Variants in PIEZO2 observed in about 807,000 individuals in gnomAD.
The protein encoded by PIEZO2 is piezo-type mechanosensitive ion channel component 2.
PIEZO2 carries 172 observed loss-of-function variants against 337.3 expected under a neutral mutation model. That is an observed-to-expected ratio of 0.51 (90% CI 0.45 to 0.58). PIEZO2 has a LOEUF of 0.58. PIEZO2 is among the 20% of genes least tolerant of loss of function. PIEZO2 has a pLI of 0.00. For synonymous variants in PIEZO2, 1,251 were observed against 1,228.5 expected (o/e 1.02, Z -0.38); for missense variants, 3,028 against 3,391.3 (o/e 0.89, Z 2.66).
chr18:10,840,649 G>C (rs1161322991), intron 7 of PIEZO2, among the ~76,000 whole-genome samples: 1 of 151,972 alleles, frequency 6.6e-6, no homozygotes, highest in Non-Finnish European at 1.5e-5. Flanking sequence ...AAAGATTTCA[G>C]TCCACCTCTC....
At position 11,127,259 on chromosome 18, in the gene PIEZO2, G is replaced by A. The variant is rs1417830695; in HGVS notation, c.64+21266C>T. 6.6e-6 allele frequency among the ~76,000 whole-genome samples: 1 copy of A among 152,216 alleles called. No individual in the cohort carries two copies. On this transcript the variant is annotated intron_variant, in intron 1 of 55. Coordinates refer to ENST00000674853, the MANE Select transcript of PIEZO2 (RefSeq NM_001378183.1). This position sits in a 1 kb window ranked among gnomAD's most constrained non-coding sequence, Gnocchi z 4.5. The stretch of plus-strand genomic sequence containing the variant: ...GAGATATAGGAGGAAACGCTCATCA[G>A]AGCACACAGCCACTGCAAAGAACTT...
chr18:10,836,345 A>G (rs746881500), intron 7 of PIEZO2, among the ~76,000 whole-genome samples: 26 of 152,074 alleles, frequency 1.7e-4, no homozygotes, highest in Admixed American at 1.3e-4. Context: ...CAAATCATGA[A>G]TATTTTTGAG....
chr18:11,117,109 C>T (rs546966477), intron 1 of PIEZO2, among the ~76,000 whole-genome samples: 1 of 151,954 alleles, frequency 6.6e-6, no homozygotes, highest in Non-Finnish European at 1.5e-5. Flanking sequence ...CTGTCCCCCC[C>T]ACAAAAAAAT....
At chr18:11,062,528 T>C (rs2038003354) in intron 2 of PIEZO2, among the ~76,000 whole-genome samples, 1 of 151,964 alleles carries the variant, frequency 6.6e-6, no homozygotes, top group Non-Finnish European at 1.5e-5. Context: ...AGGGCTAATA[T>C]CCAGAATCTA....
intron 21 of PIEZO2, among the ~76,000 whole-genome samples, chr18:10,769,373 T>C (rs762348031): frequency 4.6e-5 from 7 of 152,256 alleles, no homozygotes; most frequent in African/African-American, 7.2e-5. Context: ...GTTTAGACTA[T>C]GGAGCTCAAA....
intron 40 of PIEZO2, among the ~76,000 whole-genome samples, chr18:10,706,224 G>A (rs539189822): frequency 6.6e-6 from 1 of 152,204 alleles, no homozygotes; most frequent in South Asian, 2.1e-4. Flanking sequence ...CAGACCATAA[G>A]GGGGGAATGG....
chr18:10,962,811 C>T lies in PIEZO2; in HGVS notation c.286+16724G>A, dbSNP rs1180361059. ...TAAGGCCCTTTCCAGTGATCACATA[C>T]TATGAGCCCATGCTAGCAATGTGAG... On this transcript the variant is annotated intron_variant, in intron 3 of 55. Coordinates refer to ENST00000674853, the MANE Select transcript of PIEZO2 (RefSeq NM_001378183.1). This position sits in a 1 kb window ranked among gnomAD's most constrained non-coding sequence, Gnocchi z 4.1. Among the ~76,000 whole-genome samples, 1 of 152,192 alleles carries T rather than the reference C, an allele frequency of 6.6e-6. No homozygotes were observed. Among genetic ancestry groups the T allele is most frequent in the East Asian group, 1.9e-4 (1 of 5,188 alleles).
intron 4 of PIEZO2, 81 bp from the exon 5 acceptor site, chr18:10,871,496 GTCT>G: frequency 7.7e-7 from 1 of 1,300,910 alleles, no homozygotes; most frequent in Non-Finnish European, 1.0e-6. Flanking sequence ...GGATGTTTTG[GTCT>G]TCTTAATGAT....
intron 1 of PIEZO2, among the ~76,000 whole-genome samples, chr18:11,086,254 C>T (rs1435990397): frequency 6.6e-6 from 1 of 152,152 alleles, no homozygotes; most frequent in African/African-American, 2.4e-5. Context: ...GGCGCAGTGG[C>T]TCATGCCTGT....
Position 10,699,051 on chromosome 18 carries a change from C to G in PIEZO2, c.6568G>C (p.Ala2190Pro), listed in dbSNP as rs2035222017. 6.5e-7 allele frequency: 1 copy of G among 1,537,046 alleles called. No individual in the cohort carries two copies. Among genetic ancestry groups the G allele is most frequent in the South Asian group, 1.2e-5 (1 of 84,068 alleles). The change falls in exon 44 of 56, where the codon GCC becomes CCC. Residue 2190 changes from alanine (A) to proline (P), a missense_variant. By Grantham distance (27) the Ala-to-Pro change is conservative. Transcript: ENST00000674853. ...SSDSLKSINL[A>P]ASVESVHVTF... is the part of the protein sequence containing the mutation. ...ACATGCACTGACTCCACAGACGCGGCCAGGTTGATGGACTTGAGAGAATCG... is the reference window on the plus strand; with the variant it reads ...ACATGCACTGACTCCACAGACGCGGGCAGGTTGATGGACTTGAGAGAATCG...
intron 39 of PIEZO2, chr18:10,709,147 T>C (rs1176833130): frequency 6.6e-6 from 1 of 152,240 alleles, no homozygotes; most frequent in Admixed American, 6.5e-5. Context: ...CTGTTAACTT[T>C]TCATTTTGCC....
intron 15 of PIEZO2, 79 bp from the exon 16 acceptor site, chr18:10,787,263 A>C: frequency 8.0e-7 from 1 of 1,255,072 alleles, no homozygotes; most frequent in Non-Finnish European, 1.1e-6. Flanking sequence ...GGTTTAATTC[A>C]AGTAAGACAA....
intron 2 of PIEZO2, among the ~76,000 whole-genome samples, chr18:11,037,066 G>C (rs1041211883): frequency 6.6e-6 from 1 of 152,144 alleles, no homozygotes; most frequent in Non-Finnish European, 1.5e-5. Flanking sequence ...CTGGGTTCAA[G>C]TGAGTCTCCT....
intron 27 of PIEZO2, among the ~76,000 whole-genome samples, chr18:10,755,914 G>A (rs1568021223): frequency 6.6e-6 from 1 of 151,354 alleles, no homozygotes; most frequent in Non-Finnish European, 1.5e-5. Flanking sequence ...TAGAGGGTGA[G>A]GAGGAGGGAT....
intron 16 of PIEZO2, among the ~76,000 whole-genome samples, chr18:10,785,427 G>A (rs757651521): frequency 2.6e-5 from 4 of 152,194 alleles, no homozygotes; most frequent in African/African-American, 4.8e-5. Flanking sequence ...CATCTACAGC[G>A]CAGGCTCCTC....
intron 47 of PIEZO2, among the ~76,000 whole-genome samples, chr18:10,695,154 T>A (rs1276077380): frequency 6.6e-6 from 1 of 152,240 alleles, no homozygotes; most frequent in African/African-American, 2.4e-5. Context: ...TTTGCCGAAA[T>A]GACCAGATCA....
intron 36 of PIEZO2, among the ~76,000 whole-genome samples, chr18:10,730,886 C>T (rs1409898144): frequency 3.3e-5 from 5 of 152,028 alleles, no homozygotes; most frequent in African/African-American, 9.7e-5. Flanking sequence ...GCTACCACGC[C>T]GGGCTAATTT....
rs191559401 is a variant in PIEZO2 at position 10,813,784 on chromosome 18, T to C, written c.918-6510A>G. 9.4e-4 allele frequency among the ~76,000 whole-genome samples: 143 copies of C among 152,292 alleles called. No individual in the cohort carries two copies. Among genetic ancestry groups the C allele is most frequent in the Non-Finnish European group, 2.2e-4 (15 of 68,024 alleles). On this transcript the variant is annotated intron_variant, in intron 7 of 55. Transcript: ENST00000674853. The surrounding 1 kb of genome is among the most constrained non-coding windows in gnomAD (Gnocchi z 4.2). ...AAATTGTTGGATCGTATGACCATTCTATTTTTAATAGAGAAACTGCTCCGG... is the reference window on the plus strand; with the variant it reads ...AAATTGTTGGATCGTATGACCATTCCATTTTTAATAGAGAAACTGCTCCGG...
At chr18:11,100,751 A>T (rs2039392190) in intron 1 of PIEZO2, among the ~76,000 whole-genome samples, 1 of 151,988 alleles carries the variant, frequency 6.6e-6, no homozygotes, top group East Asian at 1.9e-4. Context: ...GCCCGCCACC[A>T]CGCCTGGCTA....
Sources: allele counts gnomAD v4.1 joint callset (sites outside exome capture counted in the v4.1 genomes callset), GRCh38; gene constraint gnomAD v4.1.1; non-coding constraint Gnocchi (gnomAD v3.1); transcripts MANE v1.5; gene names NCBI Gene and HGNC (gene_info 2026-07-23, HGNC 2026-07-21).